MAN2A1: variants seen among roughly 807,000 people sequenced by gnomAD.
The protein encoded by MAN2A1 is mannosidase alpha class 2A member 1, also known as alpha-mannosidase 2.
A neutral mutation model predicts 142.6 loss-of-function variants in MAN2A1; 76 were observed. The observed-to-expected ratio is 0.53, with a 90% CI of 0.44 to 0.65. MAN2A1 has a LOEUF of 0.65. Ranked by LOEUF, MAN2A1 falls within the 30% of genes least tolerant of loss-of-function variation. The pLI, the probability that MAN2A1 is intolerant of heterozygous loss-of-function variation, is 0.00. For missense variants in MAN2A1, 1,311 were observed against 1,365.1 expected, an observed-to-expected ratio of 0.96 and a Z score of 0.62; for synonymous variants, 559 against 473.2, an observed-to-expected ratio of 1.18 and a Z score of -2.35.
intron 3 of MAN2A1, among the ~76,000 whole-genome samples, chr5:109,729,125 C>T (rs1223050899): frequency 6.6e-6 from 1 of 152,072 alleles, no homozygotes; most frequent in Non-Finnish European, 1.5e-5. Context: ...TGAATTTGTG[C>T]AGTTTTCAGA....
chr5:109,822,171 CTT>C (rs1279030258), intron 15 of MAN2A1, among the ~76,000 whole-genome samples: 13 of 122,916 alleles, frequency 1.1e-4, no homozygotes, highest in Admixed American at 2.4e-4. Context: ...TGGGGTTTTT[CTT>C]TTTTTTTTTT....
At chr5:109,840,091 G>A (rs530359285) in intron 16 of MAN2A1, 26 of 172,990 alleles carry the variant, frequency 1.5e-4, no homozygotes, top group Admixed American at 1.0e-3. Context: ...ATGCATTTGC[G>A]GTGAGATGAT....
chr5:109,700,374 G>A (rs1388243766), intron 1 of MAN2A1, among the ~76,000 whole-genome samples: 1 of 149,200 alleles, frequency 6.7e-6, no homozygotes. Flanking sequence ...CCTTTGTGAT[G>A]AGAAGCCTTT....
rs774280135 is a variant in MAN2A1 at position 109,713,671 on chromosome 5, A to G, written c.287A>G (p.Gln96Arg). ...AAAAGTTCACAAAGCAATTTCAGCC[A>G]AGGTGCTGGCTCACATCTTCTGCCC... ...GPKSSQSNFS[Q>R]GAGSHLLPSQ... Residue 96 changes from glutamine to arginine, a missense_variant, in exon 2 of 22, where the codon CAA (glutamine) becomes CGA (arginine). Transcript: ENST00000261483. 1 of 1,614,238 alleles carries G rather than the reference A, an allele frequency of 6.2e-7. No homozygotes were observed.
intron 20 of MAN2A1, chr5:109,863,315 G>T (rs1462397583): frequency 6.6e-6 from 1 of 152,166 alleles, no homozygotes; most frequent in Admixed American, 6.6e-5. Flanking sequence ...TATGCTAAGG[G>T]CTTCCTGTGT....
chr5:109,815,110 C>G (rs1272188951), intron 12 of MAN2A1, among the ~76,000 whole-genome samples: 1 of 152,132 alleles, frequency 6.6e-6, no homozygotes, highest in Admixed American at 6.5e-5. Flanking sequence ...AATGAGTGAT[C>G]CACCACTGTT....
At chr5:109,808,374 C>T (rs1754227299) in intron 12 of MAN2A1, among the ~76,000 whole-genome samples, 2 of 152,226 alleles carry the variant, frequency 1.3e-5, no homozygotes, top group South Asian at 4.1e-4. Flanking sequence ...GAGGAGGTAA[C>T]TATTAACAAC....
intron 15 of MAN2A1, among the ~76,000 whole-genome samples, chr5:109,822,644 G>A (rs1430268839): frequency 1.3e-5 from 2 of 151,786 alleles, no homozygotes; most frequent in African/African-American, 4.8e-5. Context: ...AGCCAAAGAG[G>A]TAAATTTGGA....
chr5:109,756,998 G>A (rs895528028), intron 5 of MAN2A1, among the ~76,000 whole-genome samples: 3 of 152,154 alleles, frequency 2.0e-5, no homozygotes, highest in African/African-American at 7.2e-5. Context: ...TCACAGTTTC[G>A]TGCTGGAGCA....
At chr5:109,748,744 A>G (rs1752470777) in intron 4 of MAN2A1, among the ~76,000 whole-genome samples, 2 of 152,040 alleles carry the variant, frequency 1.3e-5, no homozygotes, top group Admixed American at 1.3e-4. Context: ...AGCTGAAAGA[A>G]GGGCATGTGG....
intron 9 of MAN2A1, among the ~76,000 whole-genome samples, chr5:109,783,180 C>G (rs1263591896): frequency 6.6e-6 from 1 of 152,084 alleles, no homozygotes; most frequent in Non-Finnish European, 1.5e-5. Flanking sequence ...ATATTCAAGG[C>G]ATTGTGGTTA....
chr5:109,740,176 G>A (rs1392387439), intron 4 of MAN2A1, among the ~76,000 whole-genome samples: 1 of 152,142 alleles, frequency 6.6e-6, no homozygotes, highest in Non-Finnish European at 1.5e-5. Context: ...AACTTACAAC[G>A]TCTCCTTAGT....
rs1384970377 is a variant in MAN2A1 at position 109,795,951 on chromosome 5, A to G, written c.1943+6424A>G. Among the ~76,000 whole-genome samples the G allele has an allele frequency of 2.0e-5, 3 of 152,338 alleles. No individual in the cohort carries two copies. In the East Asian group the frequency reaches 5.8e-4, roughly 29 times the overall value. On this transcript the variant is annotated intron_variant, in intron 12 of 21. Transcript: ENST00000261483. Reference sequence around the variant, plus strand: ...CCTTGTAGCTAACAGGCTGTTAGCTAGCAGGCCAATGTACTTCCCTCCCTC... The same window carrying G: ...CCTTGTAGCTAACAGGCTGTTAGCTGGCAGGCCAATGTACTTCCCTCCCTC...
At chr5:109,721,626 A>G (rs1751606418) in intron 3 of MAN2A1, among the ~76,000 whole-genome samples, 1 of 152,212 alleles carries the variant, frequency 6.6e-6, no homozygotes, top group Non-Finnish European at 1.5e-5. Context: ...CTGTATGGCT[A>G]TTTAGAATTC....
At chr5:109,823,685 C>A (rs1426857393) in intron 15 of MAN2A1, 38 bp from the exon 16 acceptor site, 2 of 1,072,568 alleles carry the variant, frequency 1.9e-6, no homozygotes, top group Non-Finnish European at 2.9e-6. Context: ...AGTTTGGAAG[C>A]CAAAATATTT....
At chr5:109,793,391 A>T (rs1231785866) in intron 12 of MAN2A1, among the ~76,000 whole-genome samples, 1 of 152,196 alleles carries the variant, frequency 6.6e-6, no homozygotes, top group East Asian at 1.9e-4. Context: ...CTGTGGTATT[A>T]TATGCAACAT....
At chr5:109,776,199 G>A (rs1049600829) in intron 8 of MAN2A1, among the ~76,000 whole-genome samples, 2 of 151,836 alleles carry the variant, frequency 1.3e-5, no homozygotes, top group Admixed American at 6.6e-5. Context: ...TAGAAAGGAA[G>A]TGATATTACT....
At chr5:109,809,130 A>C (rs1189721021) in intron 12 of MAN2A1, among the ~76,000 whole-genome samples, 1 of 152,170 alleles carries the variant, frequency 6.6e-6, no homozygotes, top group Non-Finnish European at 1.5e-5. Context: ...ATGAAAAATA[A>C]TTATAATGCT....
chr5:109,773,766 A>T (rs1439958416), intron 7 of MAN2A1, among the ~76,000 whole-genome samples: 19 of 152,168 alleles, frequency 1.2e-4, no homozygotes, highest in Non-Finnish European at 2.8e-4. Flanking sequence ...AATTTTTATA[A>T]GATGCTTCAT....
Sources: gnomAD v4.1 joint callset for allele counts (sites outside exome capture counted in the v4.1 genomes callset) on GRCh38, gnomAD v4.1.1 for gene constraint, MANE v1.5 for transcripts, NCBI Gene and HGNC (gene_info 2026-07-23, HGNC 2026-07-21) for gene names.